Variants in SDR9C7 observed in about 807,000 individuals in gnomAD.
SDR9C7 encodes short chain dehydrogenase/reductase family 9C member 7.
A neutral mutation model predicts 23.6 loss-of-function variants in SDR9C7; 11 were observed. The ratio of observed to expected loss-of-function variants is 0.47; its 90% CI spans 0.29 to 0.77. The LOEUF (loss-of-function observed/expected upper bound fraction) is 0.77, where lower values mean the gene tolerates loss of function less well. Among genes scored for constraint, SDR9C7 ranks in the 30% least tolerant of loss-of-function variants. SDR9C7 has a pLI of 0.09. For synonymous variants in SDR9C7, 167 were observed against 157.3 expected (o/e 1.06, Z -0.46); for missense variants, 387 against 407.1 (o/e 0.95, Z 0.42).
intron 1 of SDR9C7, 27 bp downstream of exon 1, chr12:56,933,934 A>G: frequency 6.3e-7 from 1 of 1,584,110 alleles, no homozygotes; most frequent in East Asian, 2.2e-5. Flanking sequence ...AGAAACCAAG[A>G]AAGCCAAAGA....
chr12:56,931,776 C>T (rs1418211593), intron 1 of SDR9C7, among the ~76,000 whole-genome samples: 1 of 152,104 alleles, frequency 6.6e-6, no homozygotes, highest in Non-Finnish European at 1.5e-5. Flanking sequence ...TCCCCAAGTC[C>T]TACTGCCTGG....
In SDR9C7 at chr12:56,930,216, G is replaced by A. The variant is rs748489729; in HGVS notation, c.560+10C>T. On this transcript the variant is annotated intron_variant, in intron 2 of 3. Transcript: ENST00000293502. Reference sequence around the variant, plus strand: ...TCACCCAGAATTGTTCAGTACCAGGGCCCAGTTACCTTATGCTGTCAGAGA... The same window carrying A: ...TCACCCAGAATTGTTCAGTACCAGGACCCAGTTACCTTATGCTGTCAGAGA... 2.5e-6 allele frequency: 4 copies of A among 1,613,752 alleles called. No homozygotes were observed.
At position 56,929,558 on chromosome 12, in the gene SDR9C7, G is replaced by A; in HGVS notation, c.561-5C>T. On this transcript the variant is annotated splice_polypyrimidine_tract_variant and splice_region_variant and intron_variant, in intron 2 of 3. Coordinates refer to ENST00000293502, the MANE Select transcript of SDR9C7 (RefSeq NM_148897.3). ...CCAAAGTAGTAGAGCTCACGCCTGG[G>A]AAAGAAGAGTTGCAGTCAGTCTGGG... is the stretch of plus-strand genomic sequence containing the variant. 1.9e-6 allele frequency: 3 copies of A among 1,593,886 alleles called. No homozygotes were observed. The highest frequency in any genetic ancestry group is 2.6e-6 in the Non-Finnish European group (3 of 1,162,818).
At chr12:56,924,172 C>G (rs1162769140) in intron 3 of SDR9C7, 122 bp from the exon 4 acceptor site, 5 of 649,444 alleles carry the variant, frequency 7.7e-6, no homozygotes, top group Non-Finnish European at 1.3e-5. Flanking sequence ...GCAGGTCCGC[C>G]ACACCCTCCA....
rs1365807320 is a variant in SDR9C7, at chr12:56,929,658, C to T, written c.561-105G>A. Reference sequence around the variant, plus strand: ...TTCAGGAACCTAGAGATGCTTCTCTCACCCCTGTACTTGGCCCTGGCATTG... The same window carrying T: ...TTCAGGAACCTAGAGATGCTTCTCTTACCCCTGTACTTGGCCCTGGCATTG... On this transcript the variant is annotated intron_variant, in intron 2 of 3. Transcript: ENST00000293502. 3.8e-6 allele frequency: 5 copies of T among 1,310,630 alleles called. 1 individual carries two copies. In the Middle Eastern group the frequency reaches 5.7e-4, roughly 149 times the overall value. The allele number at this position is 1,310,630 out of a possible 1,614,324, so 81.2% of individuals were successfully genotyped here.
rs199883998 is a variant in SDR9C7 at position 56,923,954 on chromosome 12, C to T, written c.821G>A (p.Arg274His). The change falls in exon 4 of 4, where the codon CGC (arginine) becomes CAC (histidine). Residue 274 changes from arginine to histidine, a missense_variant. Physicochemically the swap from Arg to His is conservative, Grantham distance 29. Transcript: ENST00000293502. ...MEHAIVSRSP[R>H]IRYNPGLDAK... ...ATCCAGGCCAGGGTTGTAGCGGATGCGAGGGCTCCGGGAAACAATAGCATG... is the reference window on the plus strand; with the variant it reads ...ATCCAGGCCAGGGTTGTAGCGGATGTGAGGGCTCCGGGAAACAATAGCATG... 53 of 1,613,936 alleles carry T rather than the reference C, an allele frequency of 3.3e-5. No individual in the cohort carries two copies. In the Middle Eastern group the frequency reaches 6.6e-4, roughly 20 times the overall value.
intron 3 of SDR9C7, among the ~76,000 whole-genome samples, chr12:56,927,088 G>A (rs944294561): frequency 2.0e-5 from 3 of 152,198 alleles, no homozygotes; most frequent in Non-Finnish European, 4.4e-5. Context: ...TTATCTAAAT[G>A]TAGTTGACCA....
At chr12:56,933,706 C>A (rs1031459588) in intron 1 of SDR9C7, among the ~76,000 whole-genome samples, 1 of 152,190 alleles carries the variant, frequency 6.6e-6, no homozygotes, top group Non-Finnish European at 1.5e-5. Context: ...CATCTTCCCC[C>A]CTCGCTTCCT....
chr12:56,925,016 T>C (rs1341918221), intron 3 of SDR9C7, among the ~76,000 whole-genome samples: 1 of 151,134 alleles, frequency 6.6e-6, no homozygotes, highest in Non-Finnish European at 1.5e-5. Context: ...AAACAGCCCT[T>C]TTTTTTTTCT....
At chr12:56,932,279 C>T (rs1955772834) in intron 1 of SDR9C7, among the ~76,000 whole-genome samples, 1 of 152,130 alleles carries the variant, frequency 6.6e-6, no homozygotes, top group South Asian at 2.1e-4. Flanking sequence ...AGGCAGAAAC[C>T]GGAGAATCAG....
intron 1 of SDR9C7, among the ~76,000 whole-genome samples, chr12:56,932,673 TATTA>T (rs1258394097): frequency 2.0e-5 from 3 of 152,174 alleles, no homozygotes; most frequent in Non-Finnish European, 2.9e-5. Context: ...CTTGCTGAAT[TATTA>T]ATTAATTAGC....
chr12:56,931,602 A>G (rs1394518035), intron 1 of SDR9C7, among the ~76,000 whole-genome samples: 1 of 152,118 alleles, frequency 6.6e-6, no homozygotes, highest in Admixed American at 6.5e-5. Context: ...GCTCTTCATC[A>G]GATTAGACTA....
chr12:56,927,086 A>G (rs1955739153), intron 3 of SDR9C7, among the ~76,000 whole-genome samples: 1 of 152,230 alleles, frequency 6.6e-6, no homozygotes, highest in Non-Finnish European at 1.5e-5. Flanking sequence ...GTTTATCTAA[A>G]TGTAGTTGAC....
chr12:56,930,962 T>C (rs1331262166), intron 1 of SDR9C7, among the ~76,000 whole-genome samples: 2 of 152,218 alleles, frequency 1.3e-5, no homozygotes, highest in African/African-American at 2.4e-5. Context: ...CCAGGTGCAG[T>C]GACTCACACT....
chr12:56,930,603 G>T, intron 1 of SDR9C7, 119 bp from the exon 2 acceptor site: 1 of 1,139,306 alleles, frequency 8.8e-7, no homozygotes, highest in Non-Finnish European at 1.2e-6. Flanking sequence ...ACATAACTCG[G>T]TCAGGCTATA....
chr12:56,930,259 T>C lies in SDR9C7; in HGVS notation c.527A>G (p.Lys176Arg), dbSNP rs1368578664. The C allele has an allele frequency of 6.2e-7, 1 of 1,613,876 alleles. No homozygotes were observed. Among genetic ancestry groups the C allele is most frequent in the African/African-American group, 1.3e-5 (1 of 74,836 alleles). ...AVIGGGYCVS[K>R]FGVEAFSDSI... ...GTCAGAGAAGGCCTCAACGCCAAAC[T>C]TGGAGACGCAGTAGCCACCACCAAT... The change falls in exon 2 of 4, where the codon AAG becomes AGG. Residue 176 changes from lysine to arginine, a missense_variant. By Grantham distance (26) the Lys-to-Arg change is conservative (BLOSUM62 2). Transcript: ENST00000293502.
At chr12:56,927,249 A>G (rs372722068) in intron 3 of SDR9C7, among the ~76,000 whole-genome samples, 2 of 152,132 alleles carry the variant, frequency 1.3e-5, no homozygotes, top group East Asian at 3.9e-4. Context: ...ATATTCTTTC[A>G]TGGACCACAC....
At position 56,929,448 on chromosome 12, in the gene SDR9C7, A is replaced by G; in HGVS notation, c.666T>C (p.Leu222=). 2.5e-6 allele frequency: 4 copies of G among 1,613,572 alleles called. No individual in the cohort carries two copies. The highest frequency in any genetic ancestry group is 3.4e-6 in the Non-Finnish European group (4 of 1,179,614). ...KENLESRMRK[L]WERLPQETRD... ...GGGTCTCCTGAGGCAGCCTCTCCCA[A>G]AGCTTTCGCATGCGTGACTCCAGGT... is the stretch of plus-strand genomic sequence containing the variant. The change falls in exon 3 of 4, where the codon CTT becomes CTC. Residue 222 remains leucine (L), a synonymous_variant. Coordinates refer to ENST00000293502, the MANE Select transcript of SDR9C7 (RefSeq NM_148897.3).
chr12:56,925,533 G>A (rs991072372), intron 3 of SDR9C7, among the ~76,000 whole-genome samples: 5 of 152,328 alleles, frequency 3.3e-5, no homozygotes, highest in African/African-American at 9.6e-5. Context: ...GAATGGGGCA[G>A]CATCACTTCA....
Sources: allele counts gnomAD v4.1 joint callset (sites outside exome capture counted in the v4.1 genomes callset), GRCh38; gene constraint gnomAD v4.1.1; transcripts MANE v1.5; gene names NCBI Gene and HGNC (gene_info 2026-07-23, HGNC 2026-07-21).